DAB1: variants seen among roughly 807,000 people sequenced by gnomAD.
DAB1 encodes the protein disabled homolog 1.
A neutral mutation model predicts 64.6 loss-of-function variants in DAB1; 15 were observed. That is an observed-to-expected ratio of 0.23 (90% CI 0.16 to 0.36). DAB1 has a LOEUF of 0.36. Among genes scored for constraint, DAB1 ranks in the 10% least tolerant of loss-of-function variants. DAB1 has a pLI of 1.00. For synonymous variants in DAB1, 235 were observed against 251.9 expected, an observed-to-expected ratio of 0.93 and a Z score of 0.64; for missense variants, 596 against 706.7, an observed-to-expected ratio of 0.84 and a Z score of 1.78.
intron 6 of DAB1, among the ~76,000 whole-genome samples, chr1:57,661,235 T>C (rs1646382977): frequency 6.6e-6 from 1 of 152,100 alleles, no homozygotes; most frequent in African/African-American, 2.4e-5. Context: ...GGAGGCAGAT[T>C]GTTACAGTGC....
intron 4 of DAB1, among the ~76,000 whole-genome samples, chr1:58,205,292 T>G (rs1254713857): frequency 2.6e-5 from 4 of 152,210 alleles, no homozygotes; most frequent in Non-Finnish European, 4.4e-5. Flanking sequence ...TATTCTATTC[T>G]GCAAAGATTG....
intron 3 of DAB1, among the ~76,000 whole-genome samples, chr1:58,472,042 T>C (rs892323721): frequency 6.6e-6 from 1 of 152,240 alleles, no homozygotes; most frequent in Non-Finnish European, 1.5e-5. Context: ...TTCTGCTTCA[T>C]AAATGTTAAC....
At position 57,145,359 on chromosome 1, in the gene DAB1, C is replaced by G. The variant is rs1275806575; in HGVS notation, c.138G>C (p.Leu46Phe). The change falls in exon 3 of 15, where the codon TTG (leucine) becomes TTC (phenylalanine). Residue 46 changes from leucine (L) to phenylalanine (F), a missense_variant. By Grantham distance (22) the Leu-to-Phe change is conservative. This residue lies in a region of DAB1 where 176 missense variants were observed against 266.7 expected (regional missense o/e 0.66). Coordinates refer to ENST00000371236, the MANE Select transcript of DAB1 (RefSeq NM_001365792.1). ...KGEGVRYKAK[L>F]IGIDEVSAAR... is the part of the protein sequence containing the mutation. ...CTGCGGAAACTTCATCAATCCCGAT[C>G]AATTTGGCTTTGTACCGGACCCCTT... 3.7e-6 allele frequency: 6 copies of G among 1,614,128 alleles called. No individual in the cohort carries two copies. Among genetic ancestry groups the G allele is most frequent in the Admixed American group, 1.7e-5 (1 of 60,020 alleles).
chr1:57,232,604 C>A (rs1261130958), intron 2 of DAB1, among the ~76,000 whole-genome samples: 1 of 152,036 alleles, frequency 6.6e-6, no homozygotes, highest in Non-Finnish European at 1.5e-5. Context: ...AGGGAGAAAA[C>A]CGAGACCCAG....
chr1:58,134,481 C>T (rs1653828605), intron 5 of DAB1, among the ~76,000 whole-genome samples: 1 of 151,904 alleles, frequency 6.6e-6, no homozygotes, highest in South Asian at 2.1e-4. Context: ...TCTCACACTG[C>T]TATAAAGACA....
intron 4 of DAB1, among the ~76,000 whole-genome samples, chr1:58,266,834 T>C (rs188246419): frequency 8.0e-4 from 122 of 152,354 alleles, no homozygotes; most frequent in African/African-American, 2.8e-3. Context: ...AAAGAAGATA[T>C]ACAAATGTCT....
intron 5 of DAB1, chr1:58,049,120 C>G: frequency 1.2e-6 from 1 of 811,632 alleles, no homozygotes; most frequent in South Asian, 1.3e-5. Context: ...GTGACAAACC[C>G]AAAGCCCCCG....
At chr1:57,065,547 T>C (rs1230937847) in intron 8 of DAB1, among the ~76,000 whole-genome samples, 2 of 152,224 alleles carry the variant, frequency 1.3e-5, no homozygotes, top group East Asian at 3.8e-4. Flanking sequence ...ATTATCCTTG[T>C]ATCCACAGCT....
intron 1 of DAB1, among the ~76,000 whole-genome samples, chr1:57,851,521 C>T (rs1653524021): frequency 6.6e-6 from 1 of 152,200 alleles, no homozygotes; most frequent in Admixed American, 6.5e-5. Flanking sequence ...CTTGGCATAG[C>T]TGCAGGGCTG....
chr1:58,114,149 C>G (rs1652173613), intron 5 of DAB1, among the ~76,000 whole-genome samples: 1 of 151,224 alleles, frequency 6.6e-6, no homozygotes, highest in African/African-American at 2.4e-5. Context: ...ATCCCAGCTA[C>G]TCAAGAGGCT....
chr1:58,080,607 CA>C (rs1415190095), intron 5 of DAB1, among the ~76,000 whole-genome samples: 2 of 152,220 alleles, frequency 1.3e-5, no homozygotes, highest in Non-Finnish European at 2.9e-5. Context: ...CCAAGTCAAA[CA>C]AGAAGTTAGT....
At chr1:57,913,203 G>T (rs1454762353) in intron 5 of DAB1, among the ~76,000 whole-genome samples, 3 of 151,926 alleles carry the variant, frequency 2.0e-5, no homozygotes, top group African/African-American at 7.3e-5. Context: ...ATACTACAAG[G>T]CTACTGTAAC....
chr1:57,887,271 A>G (rs1569922747), upstream of DAB1, among the ~76,000 whole-genome samples: 1 of 152,152 alleles, frequency 6.6e-6, no homozygotes, highest in Non-Finnish European at 1.5e-5. Flanking sequence ...CCTCATGGCA[A>G]TTCCTGCTCA....
chr1:57,577,573 C>T (rs1301475947), intron 7 of DAB1, among the ~76,000 whole-genome samples: 1 of 152,184 alleles, frequency 6.6e-6, no homozygotes, highest in Non-Finnish European at 1.5e-5. Context: ...AAGAAACAGG[C>T]TCAGAGAGGT....
chr1:57,504,887 G>A (rs2805881), intron 7 of DAB1, among the ~76,000 whole-genome samples: 11,858 of 152,190 alleles, frequency 0.078, 1,443 homozygotes, highest in African/African-American at 0.26. Context: ...CCATTTGAGT[G>A]ATATGCCACA....
At chr1:57,161,341 A>C (rs980975192) in intron 2 of DAB1, among the ~76,000 whole-genome samples, 2 of 152,086 alleles carry the variant, frequency 1.3e-5, no homozygotes, top group South Asian at 4.1e-4. Flanking sequence ...AACTTTTCCT[A>C]CCCAAGGCAA....
At chr1:58,143,377 A>T (rs1156958922) in intron 5 of DAB1, among the ~76,000 whole-genome samples, 6 of 152,306 alleles carry the variant, frequency 3.9e-5, no homozygotes, top group Non-Finnish European at 8.8e-5. Context: ...ATCTTAAACC[A>T]ATATAAAAAG....
chr1:58,474,439 G>T (rs1339509324), intron 3 of DAB1, among the ~76,000 whole-genome samples: 1 of 151,768 alleles, frequency 6.6e-6, no homozygotes, highest in Non-Finnish European at 1.5e-5. Context: ...CAACCTAATT[G>T]TTCCCCTGAG....
intron 5 of DAB1, among the ~76,000 whole-genome samples, chr1:57,919,706 C>T (rs2102020910): frequency 6.6e-6 from 1 of 152,258 alleles, no homozygotes; most frequent in Admixed American, 6.5e-5. Flanking sequence ...GTGAAGTTTA[C>T]AGGAGATAAT....
Sources: gnomAD v4.1 joint callset for allele counts (sites outside exome capture counted in the v4.1 genomes callset) on GRCh38, gnomAD v4.1.1 for gene constraint, gnomAD v4.1.1 regional missense constraint, MANE v1.5 for transcripts, NCBI Gene and HGNC (gene_info 2026-07-23, HGNC 2026-07-21) for gene names.